XRCC4: variants seen among roughly 807,000 people sequenced by gnomAD.
The protein encoded by XRCC4 is X-ray repair cross complementing 4, also known as DNA repair protein XRCC4.
In XRCC4, 28 loss-of-function variants were observed where a neutral mutation model predicts 39.1. That is an observed-to-expected ratio of 0.72 (90% CI 0.53 to 0.98). XRCC4 has a LOEUF of 0.98. XRCC4 is among the 50% of genes least tolerant of loss of function. XRCC4 has a pLI of 0.00. For missense variants in XRCC4, 350 were observed against 376.4 expected (o/e 0.93, Z 0.58); for synonymous variants, 123 against 126.4 (o/e 0.97, Z 0.18).
At chr5:83,155,701 G>A (rs1265612117) in intron 3 of XRCC4, among the ~76,000 whole-genome samples, 1 of 151,754 alleles carries the variant, frequency 6.6e-6, no homozygotes, top group East Asian at 1.9e-4. Flanking sequence ...ATATAATAAA[G>A]AATAATTTCA....
At chr5:83,295,002 GT>G (rs1402095858) in intron 7 of XRCC4, among the ~76,000 whole-genome samples, 1 of 151,966 alleles carries the variant, frequency 6.6e-6, no homozygotes, top group Non-Finnish European at 1.5e-5. Context: ...ATATCTCAAA[GT>G]TTTTTATGTT....
intron 7 of XRCC4, among the ~76,000 whole-genome samples, chr5:83,260,074 T>G (rs1469506075): frequency 6.6e-6 from 1 of 152,102 alleles, no homozygotes; most frequent in Non-Finnish European, 1.5e-5. Context: ...GCTGTATCCC[T>G]AATGTCTTCA....
chr5:83,359,203 C>T, the XRCC4 span, among the ~76,000 whole-genome samples: 338 of 152,208 alleles, frequency 2.2e-3, 2 homozygotes, highest in Non-Finnish European at 3.5e-3. Flanking sequence ...CCAGTTACAC[C>T]TACTTATAGT....
chr5:83,258,843 G>A, intron 7 of XRCC4, 166 bp downstream of exon 7: 1 of 914,384 alleles, frequency 1.1e-6, no homozygotes, highest in East Asian at 3.1e-5. Context: ...TCAGTATTTG[G>A]TTAATTTCTA....
chr5:83,287,193 G>T (rs934716772), intron 7 of XRCC4, among the ~76,000 whole-genome samples: 2 of 152,024 alleles, frequency 1.3e-5, no homozygotes, highest in Admixed American at 6.6e-5. Flanking sequence ...TGAAAAAGAA[G>T]GGCATGAATT....
At chr5:83,079,000 C>T (rs1158078937) in intron 1 of XRCC4, among the ~76,000 whole-genome samples, 1 of 152,180 alleles carries the variant, frequency 6.6e-6, no homozygotes, top group Non-Finnish European at 1.5e-5. Flanking sequence ...GTAAATGTGT[C>T]TGTAGACATA....
chr5:83,354,819 A>G (rs1757171566), downstream of XRCC4, among the ~76,000 whole-genome samples: 1 of 152,078 alleles, frequency 6.6e-6, no homozygotes, highest in Non-Finnish European at 1.5e-5. Context: ...CCAAAATACA[A>G]ATTGACTCTC....
At chr5:83,286,415 T>G (rs1164378980) in intron 7 of XRCC4, among the ~76,000 whole-genome samples, 1 of 152,144 alleles carries the variant, frequency 6.6e-6, no homozygotes, top group African/African-American at 2.4e-5. Context: ...ATAACAGTGA[T>G]GGCAATAATA....
intron 3 of XRCC4, among the ~76,000 whole-genome samples, chr5:83,172,775 C>CTGATGTTGTTG (rs1170250787): frequency 1.3e-5 from 2 of 152,136 alleles, no homozygotes; most frequent in African/African-American, 4.8e-5. Context: ...CTCTAGGTTA[C>CTGATGTTGTTG]TCACTGATGA....
At chr5:83,178,868 G>A (rs1750079406) in intron 3 of XRCC4, among the ~76,000 whole-genome samples, 2 of 152,122 alleles carry the variant, frequency 1.3e-5, no homozygotes, top group Non-Finnish European at 2.9e-5. Context: ...TTTCTCAGTT[G>A]TAATTTTTCA....
chr5:83,183,708 T>G lies in XRCC4; in HGVS notation c.316-12062T>G, dbSNP rs528082804. Reference sequence around the variant, plus strand: ...AAGGGTTAGTGTAATACAACTTACTTTGCCATTACCTGAACTGGAACTACC... The same window carrying G: ...AAGGGTTAGTGTAATACAACTTACTGTGCCATTACCTGAACTGGAACTACC... On this transcript the variant is annotated intron_variant, in intron 3 of 7. Transcript: ENST00000396027. 5.3e-5 allele frequency among the ~76,000 whole-genome samples: 8 copies of G among 152,312 alleles called. No homozygotes were observed. In the East Asian group the frequency reaches 1.5e-3, roughly 29 times the overall value.
intron 7 of XRCC4, among the ~76,000 whole-genome samples, chr5:83,279,621 C>A (rs1335072921): frequency 2.6e-5 from 4 of 152,256 alleles, no homozygotes; most frequent in South Asian, 2.1e-4. Flanking sequence ...AATATCTTAA[C>A]CTCTTTCAGG....
intron 3 of XRCC4, among the ~76,000 whole-genome samples, chr5:83,123,454 A>C (rs1747108513): frequency 6.6e-6 from 1 of 151,694 alleles, no homozygotes; most frequent in South Asian, 2.1e-4. Flanking sequence ...GGAAGTGTAT[A>C]GTTGGGTGTT....
chr5:83,332,315 C>T (rs917688159), intron 7 of XRCC4, among the ~76,000 whole-genome samples: 6 of 151,136 alleles, frequency 4.0e-5, no homozygotes, highest in Non-Finnish European at 8.8e-5. Context: ...GTGTCTGGAA[C>T]GTAATATAAA....
intron 3 of XRCC4, among the ~76,000 whole-genome samples, chr5:83,142,577 TG>T (rs1167627399): frequency 6.6e-6 from 1 of 152,222 alleles, no homozygotes; most frequent in Non-Finnish European, 1.5e-5. Flanking sequence ...GGAGTGGAAG[TG>T]AAAGTAAAGT....
At chr5:83,214,941 G>T (rs942297528) in intron 6 of XRCC4, among the ~76,000 whole-genome samples, 16 of 151,710 alleles carry the variant, frequency 1.1e-4, no homozygotes, top group South Asian at 8.3e-4. Context: ...TCTAACAAAA[G>T]AAATTCAAGA....
intron 7 of XRCC4, among the ~76,000 whole-genome samples, chr5:83,293,844 G>A (rs1755006087): frequency 6.6e-6 from 1 of 151,942 alleles, no homozygotes. Context: ...AAGTACAGAA[G>A]CAATTCTGGT....
the XRCC4 span, among the ~76,000 whole-genome samples, chr5:83,372,672 T>C: frequency 6.6e-6 from 1 of 152,330 alleles, no homozygotes; most frequent in Non-Finnish European, 1.5e-5. Context: ...ACCAAATTAA[T>C]AGCAGCCTTT....
chr5:83,332,458 T>G (rs1756469397), intron 7 of XRCC4, among the ~76,000 whole-genome samples: 1 of 152,160 alleles, frequency 6.6e-6, no homozygotes. Flanking sequence ...AATTTAATAT[T>G]ATACAGACAG....
Sources: allele counts gnomAD v4.1 joint callset (sites outside exome capture counted in the v4.1 genomes callset), GRCh38; gene constraint gnomAD v4.1.1; transcripts MANE v1.5; gene names NCBI Gene and HGNC (gene_info 2026-07-23, HGNC 2026-07-21).